The following SNTB2 variants were observed in gnomAD, a reference collection of about 807,000 sequenced individuals.
The protein encoded by SNTB2 is syntrophin beta 2, also known as beta-2-syntrophin.
In SNTB2, 34 loss-of-function variants were observed where a neutral mutation model predicts 46.2. The observed-to-expected ratio is 0.74, with a 90% CI of 0.56 to 0.98. The LOEUF is 0.98. SNTB2 is among the 50% of genes least tolerant of loss of function. The pLI, the probability that SNTB2 is intolerant of heterozygous loss-of-function variation, is 0.00. For synonymous variants in SNTB2, 290 were observed against 312.6 expected, an observed-to-expected ratio of 0.93 and a Z score of 0.76; for missense variants, 603 against 731.4, an observed-to-expected ratio of 0.82 and a Z score of 2.02.
At chr16:69,270,405 T>TTGATGCAC (rs1372143669) in intron 4 of SNTB2, 120 bp downstream of exon 4, 1 of 1,244,456 alleles carries the variant, frequency 8.0e-7, no homozygotes, top group African/African-American at 1.5e-5. Context: ...GCGGATATAG[T>TTGATGCAC]TGATGCAGAC....
At chr16:69,212,330 A>T (rs979810168) in intron 1 of SNTB2, among the ~76,000 whole-genome samples, 1 of 144,344 alleles carries the variant, frequency 6.9e-6, no homozygotes, top group African/African-American at 2.5e-5. Flanking sequence ...TTGTGTTTGT[A>T]TTTATTTATT....
At chr16:69,200,212 G>A (rs913475087) in intron 1 of SNTB2, among the ~76,000 whole-genome samples, 2 of 152,212 alleles carry the variant, frequency 1.3e-5, no homozygotes, top group African/African-American at 4.8e-5. Context: ...ATACTTATTT[G>A]TGTTGGCCAT....
chr16:69,284,799 A>C (rs1965086201), intron 5 of SNTB2, among the ~76,000 whole-genome samples: 1 of 151,672 alleles, frequency 6.6e-6, no homozygotes, highest in Non-Finnish European at 1.5e-5. Context: ...AACAAAAACA[A>C]ACCTGAGGGT....
chr16:69,308,330 G>A lies in SNTB2; in HGVS notation c.*7406G>A, dbSNP rs948447680. ...TTGTGAATTAATAGAATTGGGGGGA[G>A]AGGAAATGATGATGTCAATTAAGTT... On this transcript the variant is annotated 3_prime_UTR_variant, in exon 7 of 7. Coordinates refer to ENST00000336278, the MANE Select transcript of SNTB2 (RefSeq NM_006750.4). 1 of 152,590 alleles carries A rather than the reference G, an allele frequency of 6.6e-6. No homozygotes were observed. Among genetic ancestry groups the A allele is most frequent in the Non-Finnish European group, 1.5e-5 (1 of 68,046 alleles). The allele number at this position is 152,590 out of a possible 1,614,324, so 9.5% of individuals were successfully genotyped here.
At chr16:69,213,598 C>T (rs1056456654) in intron 1 of SNTB2, among the ~76,000 whole-genome samples, 4 of 151,810 alleles carry the variant, frequency 2.6e-5, no homozygotes, top group Non-Finnish European at 5.9e-5. Flanking sequence ...CTCCTGGGTT[C>T]AAGTGATTCT....
intron 1 of SNTB2, among the ~76,000 whole-genome samples, chr16:69,209,029 G>A (rs1964252902): frequency 6.7e-6 from 1 of 149,314 alleles, no homozygotes; most frequent in African/African-American, 2.6e-5. Flanking sequence ...CCAGGCTGGA[G>A]TGCAGTCGCC....
intron 3 of SNTB2, among the ~76,000 whole-genome samples, chr16:69,266,699 G>T (rs1383418480): frequency 1.3e-5 from 2 of 152,014 alleles, no homozygotes; most frequent in Non-Finnish European, 2.9e-5. Context: ...AACTTAAGGG[G>T]AAAAATTATT....
chr16:69,294,161 G>A (rs1965201378), intron 5 of SNTB2, among the ~76,000 whole-genome samples: 1 of 152,070 alleles, frequency 6.6e-6, no homozygotes, highest in East Asian at 1.9e-4. Context: ...GGGACTACAG[G>A]TGCATGCAAC....
At chr16:69,205,316 A>ATT (rs34575541) in intron 1 of SNTB2, among the ~76,000 whole-genome samples, 32 of 130,982 alleles carry the variant, frequency 2.4e-4, no homozygotes, top group South Asian at 7.4e-4. Flanking sequence ...CGCTTGGCAA[A>ATT]TTTTTTTTTT....
intron 1 of SNTB2, chr16:69,240,796 G>T (rs756648301): frequency 6.6e-6 from 1 of 152,222 alleles, no homozygotes; most frequent in Non-Finnish European, 1.5e-5. Flanking sequence ...GTTTGCAGCC[G>T]TAGGCTGTGT....
In SNTB2 at chr16:69,239,084, A is replaced by G. The variant is rs1964585692; in HGVS notation, c.581-6518A>G. 3.3e-5 allele frequency among the ~76,000 whole-genome samples: 5 copies of G among 152,258 alleles called. No homozygotes were observed. In the South Asian group the frequency reaches 1.0e-3, roughly 32 times the overall value. On this transcript the variant is annotated intron_variant, in intron 1 of 6. Transcript: ENST00000336278. ...CTCCTTACTGTCTAACACTCCTGTT[A>G]GTAACTCCTGTTACTGTCCTAACAC...
In SNTB2 at chr16:69,207,130, CCTTTTCTTTT is replaced by C. The variant is rs895837128; in HGVS notation, c.580+19394_580+19403del. Among the ~76,000 whole-genome samples the C allele has an allele frequency of 6.1e-5, 9 of 146,976 alleles. No individual in the cohort carries two copies. In the Admixed American group the frequency reaches 6.2e-4, roughly 10 times the overall value. On this transcript the variant is annotated intron_variant, in intron 1 of 6. Coordinates refer to ENST00000336278, the MANE Select transcript of SNTB2 (RefSeq NM_006750.4). ...TTAGAGGCTTTAAAGTATAGATTTT[CCTTTTCTTTT>C]CTTTTCTTTCTTTCTTTTTTTTTTT...
At chr16:69,189,264 G>A (rs1001323938) in intron 1 of SNTB2, among the ~76,000 whole-genome samples, 3 of 152,216 alleles carry the variant, frequency 2.0e-5, no homozygotes, top group Non-Finnish European at 4.4e-5. Flanking sequence ...AATAGAAGGA[G>A]TAAAATTATA....
chr16:69,265,590 A>AG (rs1414490824), intron 3 of SNTB2, among the ~76,000 whole-genome samples: 1 of 152,092 alleles, frequency 6.6e-6, no homozygotes, highest in Non-Finnish European at 1.5e-5. Context: ...GCACTTTGGG[A>AG]GGCCAAGGCA....
chr16:69,282,549 C>G (rs1025398159), intron 4 of SNTB2, among the ~76,000 whole-genome samples: 3 of 152,022 alleles, frequency 2.0e-5, no homozygotes, highest in Non-Finnish European at 4.4e-5. Flanking sequence ...AACTTTTGTT[C>G]TTCTTTAGTA....
At position 69,303,243 on chromosome 16, in the gene SNTB2, A is replaced by T. The variant is rs1214237834; in HGVS notation, c.*2319A>T. ...AATGATTTCTGGAATCAGAATTTCA[A>T]TATGTAATACCCTCAGGTAGGCAAT... On this transcript the variant is annotated 3_prime_UTR_variant, in exon 7 of 7. Coordinates refer to ENST00000336278, the MANE Select transcript of SNTB2 (RefSeq NM_006750.4). 6.6e-6 allele frequency: 1 copy of T among 152,216 alleles called. No homozygotes were observed. The allele number at this position is 152,216 out of a possible 1,614,324, so 9.4% of individuals were successfully genotyped here.
intron 5 of SNTB2, among the ~76,000 whole-genome samples, chr16:69,292,418 T>TCA (rs1491478685): frequency 1.4e-4 from 2 of 14,252 alleles, no homozygotes; most frequent in Non-Finnish European, 2.2e-4. Context: ...TATATATATA[T>TCA]TATATATATA....
chr16:69,245,857 A>G lies in SNTB2; in HGVS notation c.794+42A>G, dbSNP rs775247638. Reference sequence around the variant, plus strand: ...AAGAACATCATACCTACAGCTTTACAAACTTAAGGACATGTTGCAGTATTA... The same window carrying G: ...AAGAACATCATACCTACAGCTTTACGAACTTAAGGACATGTTGCAGTATTA... On this transcript the variant is annotated intron_variant, in intron 2 of 6. Coordinates refer to ENST00000336278, the MANE Select transcript of SNTB2 (RefSeq NM_006750.4). 7.0e-6 allele frequency: 11 copies of G among 1,578,480 alleles called. No individual in the cohort carries two copies. The South Asian group carries it at 1.2e-4, about 18-fold the overall frequency.
At chr16:69,196,243 A>C (rs1964104470) in intron 1 of SNTB2, among the ~76,000 whole-genome samples, 1 of 152,214 alleles carries the variant, frequency 6.6e-6, no homozygotes, top group African/African-American at 2.4e-5. Flanking sequence ...TGTCTCAAAA[A>C]GAGAAAAAAC....
Sources: allele counts gnomAD v4.1 joint callset (sites outside exome capture counted in the v4.1 genomes callset), GRCh38; gene constraint gnomAD v4.1.1; transcripts MANE v1.5; gene names NCBI Gene and HGNC (gene_info 2026-07-23, HGNC 2026-07-21).